Variants in ADARB1 observed in about 807,000 individuals in gnomAD.
The protein encoded by ADARB1 is double-stranded RNA-specific editase 1.
Under a neutral mutation model 52.4 loss-of-function variants are expected in ADARB1, and 10 were observed. The observed-to-expected ratio is 0.19, with a 90% CI of 0.12 to 0.32. The LOEUF (loss-of-function observed/expected upper bound fraction) is 0.32. ADARB1 is among the 10% of genes least tolerant of loss of function. The probability of loss-of-function intolerance (pLI) is 1.00; values close to 1 mark genes in which losing one functional copy is unlikely to be tolerated. For missense variants in ADARB1, 643 were observed against 922.3 expected (o/e 0.70, Z 3.92); for synonymous variants, 349 against 371.1 (o/e 0.94, Z 0.68).
At chr21:45,080,877 G>A (rs1163747372) in intron 1 of ADARB1, among the ~76,000 whole-genome samples, 1 of 152,192 alleles carries the variant, frequency 6.6e-6, no homozygotes, top group East Asian at 1.9e-4. Flanking sequence ...CCTGTTGCAT[G>A]TATATGTTTA....
At chr21:45,108,024 C>A (rs557557780) in intron 1 of ADARB1, among the ~76,000 whole-genome samples, 3 of 152,114 alleles carry the variant, frequency 2.0e-5, no homozygotes, top group African/African-American at 7.2e-5. Flanking sequence ...TGGTGCCACT[C>A]CAGCCTCGGT....
intron 4 of ADARB1, among the ~76,000 whole-genome samples, chr21:45,178,521 T>C (rs2091795420): frequency 6.6e-6 from 1 of 152,226 alleles, no homozygotes; most frequent in Admixed American, 6.5e-5. Flanking sequence ...GAATGTGACG[T>C]GTTCCTTGTA....
rs966330682 is a variant in ADARB1, at chr21:45,179,643, G to A, written c.964-687G>A. 3.9e-5 allele frequency among the ~76,000 whole-genome samples: 6 copies of A among 152,202 alleles called. No homozygotes were observed. In the East Asian group the frequency reaches 7.7e-4, roughly 20 times the overall value. Reference sequence around the variant, plus strand: ...GTGCAGGTGTTCCGAACGTCTAAGCGCTTTCCCTCCCCGTGCTGTTCTCTG... The same window carrying A: ...GTGCAGGTGTTCCGAACGTCTAAGCACTTTCCCTCCCCGTGCTGTTCTCTG... On this transcript the variant is annotated intron_variant, in intron 4 of 10. Coordinates refer to ENST00000348831, the MANE Select transcript of ADARB1 (RefSeq NM_001112.4).
chr21:45,151,849 GC>G (rs1000841856), intron 2 of ADARB1, among the ~76,000 whole-genome samples: 1 of 152,234 alleles, frequency 6.6e-6, no homozygotes, highest in African/African-American at 2.4e-5. Context: ...TCACAGACTG[GC>G]TGTGCTGATC....
At chr21:45,109,760 T>C (rs2087450803) in intron 1 of ADARB1, among the ~76,000 whole-genome samples, 1 of 152,224 alleles carries the variant, frequency 6.6e-6, no homozygotes, top group South Asian at 2.1e-4. Context: ...TGCCCCTCTT[T>C]CTGGATGCTT....
intron 2 of ADARB1, 99 bp from the exon 3 acceptor site, chr21:45,171,511 T>C (rs2057642197): frequency 1.3e-6 from 1 of 778,450 alleles, no homozygotes; most frequent in Non-Finnish European, 2.1e-6. Flanking sequence ...TTTTTTCCTT[T>C]AATTTGTAAT....
At chr21:45,166,946 C>G (rs1409216895) in intron 2 of ADARB1, among the ~76,000 whole-genome samples, 1 of 151,454 alleles carries the variant, frequency 6.6e-6, no homozygotes. Context: ...GGTTTTAATT[C>G]TTATTTGTTT....
chr21:45,080,107 G>A (rs1159136310), intron 1 of ADARB1, among the ~76,000 whole-genome samples: 3 of 152,168 alleles, frequency 2.0e-5, no homozygotes, highest in Non-Finnish European at 4.4e-5. Flanking sequence ...AGGTGGTTGT[G>A]AGTGACCTTG....
At chr21:45,198,574 GGA>G (rs1216638546) in intron 8 of ADARB1, among the ~76,000 whole-genome samples, 2 of 152,092 alleles carry the variant, frequency 1.3e-5, no homozygotes, top group Admixed American at 1.3e-4. Context: ...GAGAGTCTGT[GGA>G]GAGAGGGGAA....
chr21:45,120,624 C>T (rs2088119119), intron 1 of ADARB1, among the ~76,000 whole-genome samples: 1 of 152,212 alleles, frequency 6.6e-6, no homozygotes, highest in African/African-American at 2.4e-5. Context: ...AGGACACCAC[C>T]CCTGCCACCG....
At chr21:45,139,266 G>A (rs1270752241) in intron 2 of ADARB1, among the ~76,000 whole-genome samples, 1 of 152,136 alleles carries the variant, frequency 6.6e-6, no homozygotes, top group African/African-American at 2.4e-5. Context: ...CTTCTGTTCT[G>A]TAACCTTGGT....
chr21:45,222,005 T>A lies in ADARB1; in HGVS notation c.1927-13T>A. ...GCGTCAACAGTTGCATTTGTTTTTTTATCCCTTCACAGGTTCCCTCCCACT... is the reference window on the plus strand; with the variant it reads ...GCGTCAACAGTTGCATTTGTTTTTTAATCCCTTCACAGGTTCCCTCCCACT... On this transcript the variant is annotated splice_polypyrimidine_tract_variant and intron_variant, in intron 10 of 10. Coordinates refer to ENST00000348831, the MANE Select transcript of ADARB1 (RefSeq NM_001112.4). 1 of 1,612,582 alleles carries A rather than the reference T, an allele frequency of 6.2e-7. No homozygotes were observed. The highest frequency in any genetic ancestry group is 8.5e-7 in the Non-Finnish European group (1 of 1,179,110).
Position 45,221,100 on chromosome 21 carries a change from T to C in ADARB1, c.1926+86T>C. 3.6e-6 allele frequency: 5 copies of C among 1,378,588 alleles called. No homozygotes were observed. The highest frequency in any genetic ancestry group is 4.1e-4 in the Middle Eastern group (2 of 4,900). 85.4% of individuals were successfully genotyped at this position (1,378,588 alleles called of 1,614,324 possible). A position where few individuals can be genotyped will look rare whatever the true frequency, so the allele number is the denominator to read the frequency against. On this transcript the variant is annotated intron_variant, in intron 10 of 10. Transcript: ENST00000348831. The surrounding 1 kb of genome is among the most constrained non-coding windows in gnomAD (Gnocchi z 4.9). ...CACACCTACTGTTCCTTAAGTTGTT[T>C]CATCATGTCATCATGCACAGCTTCC...
At chr21:45,075,005 T>C (rs150735593) in intron 1 of ADARB1, among the ~76,000 whole-genome samples, 14,278 of 150,680 alleles carry the variant, frequency 0.095, 1,024 homozygotes, top group African/African-American at 0.17. Flanking sequence ...GGCGCTCGGC[T>C]CCCGGAGGAA....
At position 45,157,386 on chromosome 21, in the gene ADARB1, A is replaced by G. The variant is rs1474450677; in HGVS notation, c.-47-14224A>G. ...TCCCTTTGATTCCAGAAAATTAACT[A>G]CAATTTTCAAATAAGCAGGAACTTA... On this transcript the variant is annotated intron_variant, in intron 2 of 10. Coordinates refer to ENST00000348831, the MANE Select transcript of ADARB1 (RefSeq NM_001112.4). This position sits in a 1 kb window ranked among gnomAD's most constrained non-coding sequence, Gnocchi z 4.1. 6.6e-6 allele frequency among the ~76,000 whole-genome samples: 1 copy of G among 152,224 alleles called. No homozygotes were observed. The highest frequency in any genetic ancestry group is 2.1e-4 in the South Asian group (1 of 4,834).
At chr21:45,118,379 GACAGACTTCTTAATTCA>G in intron 1 of ADARB1, among the ~76,000 whole-genome samples, 1 of 152,324 alleles carries the variant, frequency 6.6e-6, no homozygotes, top group East Asian at 1.9e-4. Context: ...ATGGATGGCT[GACAGACTTCTTAATTCA>G]CTTCCTTATA....
chr21:45,137,926 G>C (rs2089483943), intron 2 of ADARB1, among the ~76,000 whole-genome samples: 1 of 152,166 alleles, frequency 6.6e-6, no homozygotes, highest in African/African-American at 2.4e-5. Context: ...GGGAGGGAGA[G>C]GCTGGGCCTG....
intron 1 of ADARB1, among the ~76,000 whole-genome samples, chr21:45,126,370 T>C (rs1008130452): frequency 2.0e-5 from 3 of 152,216 alleles, no homozygotes; most frequent in Non-Finnish European, 2.9e-5. Context: ...CTCCACTGTT[T>C]TGTTTTTTCA....
chr21:45,125,592 T>G (rs993735100), intron 1 of ADARB1, among the ~76,000 whole-genome samples: 2 of 152,392 alleles, frequency 1.3e-5, no homozygotes, highest in East Asian at 3.9e-4. Flanking sequence ...GTCACCCGCC[T>G]GCTGGGACTC....
Sources: gnomAD v4.1 joint callset for allele counts (sites outside exome capture counted in the v4.1 genomes callset) on GRCh38, gnomAD v4.1.1 for gene constraint, Gnocchi (gnomAD v3.1) non-coding constraint, MANE v1.5 for transcripts, NCBI Gene and HGNC (gene_info 2026-07-23, HGNC 2026-07-21) for gene names.